The following ECT2L variants were observed in gnomAD, a reference collection of about 807,000 sequenced individuals.
ECT2L encodes the protein epithelial cell transforming 2 like, also known as epithelial cell-transforming sequence 2 oncogene-like.
A neutral mutation model predicts 122.8 loss-of-function variants in ECT2L; 126 were observed. The observed-to-expected ratio is 1.03, with a 90% CI of 0.89 to 1.19. The LOEUF (loss-of-function observed/expected upper bound fraction) is 1.19, where lower values mean the gene tolerates loss of function less well. ECT2L is among the 50% of genes most tolerant of loss of function. ECT2L has a pLI of 0.00. For missense variants in ECT2L, 1,012 were observed against 1,064.1 expected (o/e 0.95, Z 0.68); for synonymous variants, 385 against 381.8 (o/e 1.01, Z -0.10).
chr6:138,844,404 T>A lies in ECT2L; in HGVS notation c.596-8T>A. Reference sequence around the variant, plus strand: ...AATCAGCCCCGCCTGCTGTTCTTTGTTTTTCAGAGGAGTTATTCAAAGTTC... The same window carrying A: ...AATCAGCCCCGCCTGCTGTTCTTTGATTTTCAGAGGAGTTATTCAAAGTTC... On this transcript the variant is annotated splice_region_variant and splice_polypyrimidine_tract_variant and intron_variant, in intron 6 of 21. Transcript: ENST00000541398. 1.2e-6 allele frequency: 2 copies of A among 1,612,248 alleles called. No homozygotes were observed. The highest frequency in any genetic ancestry group is 1.7e-6 in the Non-Finnish European group (2 of 1,178,592).
intron 1 of ECT2L, among the ~76,000 whole-genome samples, chr6:138,803,815 C>T (rs918574229): frequency 2.0e-5 from 3 of 152,174 alleles, no homozygotes; most frequent in African/African-American, 7.2e-5. Flanking sequence ...TGATACATGC[C>T]TTTCTAATAT....
chr6:138,901,062 GT>G lies in ECT2L; in HGVS notation c.2531del (p.Phe844SerfsTer12). The G allele has an allele frequency of 6.2e-7, 1 of 1,614,116 alleles. No homozygotes were observed. Among genetic ancestry groups the G allele is most frequent in the Non-Finnish European group, 8.5e-7 (1 of 1,180,014 alleles). On this transcript the variant is annotated frameshift_variant, in exon 21 of 22. Transcript: ENST00000541398. LOFTEE classifies it high-confidence loss of function. ...FERTSKTTYQ[F>X]IASVALHRLL... ...AGAGGACTTCAAAAACAACCTACCAGTTCATTGCATCAGTGGCCCTTCATCG... is the reference window on the plus strand; with the variant it reads ...AGAGGACTTCAAAAACAACCTACCAGTCATTGCATCAGTGGCCCTTCATCG...
chr6:138,847,667 G>C (rs570551644), intron 8 of ECT2L, among the ~76,000 whole-genome samples: 4 of 150,886 alleles, frequency 2.7e-5, no homozygotes, highest in African/African-American at 7.3e-5. Context: ...GTAAGCCACC[G>C]CACCCAGCCT....
chr6:138,818,016 C>A (rs753911065), intron 4 of ECT2L, among the ~76,000 whole-genome samples: 16 of 152,190 alleles, frequency 1.1e-4, no homozygotes, highest in Admixed American at 2.6e-4. Context: ...GAGTTTGAAT[C>A]AGTCCCCTTG....
rs548413493 is a variant in ECT2L, at chr6:138,843,064, G to T, written c.428G>T (p.Arg143Leu). ...GATAATGAGTATGGTGCTTGGAAGC[G>T]CCATTACATTGCTTGTGTGTCCCAC... ...PTDNEYGAWKRHYIACVSHLD... is the reference protein window; with the variant it reads ...PTDNEYGAWKLHYIACVSHLD... The change falls in exon 6 of 22, where the codon CGC becomes CTC. Residue 143 changes from arginine (R) to leucine (L), a missense_variant. Coordinates refer to ENST00000541398, the MANE Select transcript of ECT2L (RefSeq NM_001077706.3). The T allele has an allele frequency of 1.2e-6, 2 of 1,613,518 alleles. No homozygotes were observed. Among genetic ancestry groups the T allele is most frequent in the South Asian group, 2.2e-5 (2 of 90,978 alleles).
At chr6:138,830,967 A>G (rs1776629352) in intron 4 of ECT2L, among the ~76,000 whole-genome samples, 1 of 152,180 alleles carries the variant, frequency 6.6e-6, no homozygotes, top group African/African-American at 2.4e-5. Flanking sequence ...TGCTTACTTG[A>G]TATTTAATTT....
rs908427273 is a variant in ECT2L, at chr6:138,849,142, C to A, written c.904-127C>A. The A allele has an allele frequency of 6.4e-6, 6 of 944,872 alleles. No homozygotes were observed. In the African/African-American group the frequency reaches 1.0e-4, roughly 16 times the overall value. 58.5% of individuals were successfully genotyped at this position (944,872 alleles called of 1,614,324 possible). On this transcript the variant is annotated intron_variant, in intron 8 of 21. Transcript: ENST00000541398. Reference sequence around the variant, plus strand: ...AATAGAAACCAAGGAGGAAGCTTATCTTCTTCCATAATCTCTGAAAATTCT... The same window carrying A: ...AATAGAAACCAAGGAGGAAGCTTATATTCTTCCATAATCTCTGAAAATTCT...
chr6:138,893,186 TTTTTTTTTG>T (rs1466267202), intron 20 of ECT2L, among the ~76,000 whole-genome samples: 5 of 123,360 alleles, frequency 4.1e-5, no homozygotes, highest in African/African-American at 1.6e-4. Flanking sequence ...TTTTTTTTTG[TTTTTTTTTG>T]TTTTTTTTTC....
chr6:138,850,350 G>A (rs1480618681), intron 9 of ECT2L, among the ~76,000 whole-genome samples: 1 of 151,990 alleles, frequency 6.6e-6, no homozygotes, highest in Non-Finnish European at 1.5e-5. Flanking sequence ...CCACTATGTT[G>A]GCCAGGATGG....
At chr6:138,833,197 A>G (rs1776709844) in intron 4 of ECT2L, among the ~76,000 whole-genome samples, 1 of 152,220 alleles carries the variant, frequency 6.6e-6, no homozygotes, top group Non-Finnish European at 1.5e-5. Context: ...GAGATGAGAT[A>G]TGGGTGGGGA....
intron 7 of ECT2L, among the ~76,000 whole-genome samples, chr6:138,845,152 T>G (rs1011728843): frequency 6.6e-6 from 1 of 151,994 alleles, no homozygotes; most frequent in Non-Finnish European, 1.5e-5. Context: ...TACTATAGAG[T>G]GAAATTACCA....
intron 10 of ECT2L, among the ~76,000 whole-genome samples, chr6:138,858,872 A>T (rs1176555139): frequency 1.3e-5 from 2 of 150,226 alleles, no homozygotes; most frequent in Admixed American, 6.6e-5. Context: ...TGCTTGGCTA[A>T]TTTTTTTTTA....
At chr6:138,859,983 C>A (rs1039002961) in intron 10 of ECT2L, among the ~76,000 whole-genome samples, 1 of 151,846 alleles carries the variant, frequency 6.6e-6, no homozygotes, top group Non-Finnish European at 1.5e-5. Flanking sequence ...CCACCATGCC[C>A]GGCTAATTTT....
At chr6:138,804,012 G>A (rs1030091307) in intron 1 of ECT2L, among the ~76,000 whole-genome samples, 3 of 152,196 alleles carry the variant, frequency 2.0e-5, no homozygotes, top group Non-Finnish European at 4.4e-5. Context: ...AAATGTTTGT[G>A]ATGCTTGTAT....
intron 4 of ECT2L, among the ~76,000 whole-genome samples, chr6:138,820,097 C>T (rs73778411): frequency 5.8e-4 from 89 of 152,252 alleles, no homozygotes; most frequent in African/African-American, 2.1e-3. Flanking sequence ...CTGACAGAAA[C>T]CCTGATTTCC....
In ECT2L at chr6:138,868,177, G is replaced by A; in HGVS notation, c.1549G>A (p.Gly517Arg). 6.2e-7 allele frequency: 1 copy of A among 1,613,460 alleles called. No individual in the cohort carries two copies. The highest frequency in any genetic ancestry group is 8.5e-7 in the Non-Finnish European group (1 of 1,179,714). ...AGATACTGCGCAAGCTCTGGCAGAT[G>A]GATTGATGGAGTTGTCAAAAGAAGA... is the stretch of plus-strand genomic sequence containing the variant. ...NQDTAQALAD[G>R]LMELSKEDSE... is the part of the protein sequence containing the mutation. The change falls in exon 13 of 22, where the codon GGA becomes AGA. Residue 517 changes from glycine (G) to arginine (R), a missense_variant. Coordinates refer to ENST00000541398, the MANE Select transcript of ECT2L (RefSeq NM_001077706.3).
intron 1 of ECT2L, among the ~76,000 whole-genome samples, chr6:138,806,312 T>C (rs1039129423): frequency 2.0e-5 from 3 of 152,154 alleles, no homozygotes; most frequent in Admixed American, 6.5e-5. Context: ...GGGCTTTGTA[T>C]ATATGTAATT....
intron 4 of ECT2L, among the ~76,000 whole-genome samples, chr6:138,818,447 T>G (rs1442850348): frequency 6.6e-6 from 1 of 152,202 alleles, no homozygotes; most frequent in African/African-American, 2.4e-5. Context: ...GTGCAGTTTT[T>G]CAGAGACAAC....
At chr6:138,864,002 T>TAA (rs1172466449) in intron 11 of ECT2L, among the ~76,000 whole-genome samples, 4,542 of 55,824 alleles carry the variant, frequency 0.081, 920 homozygotes, top group East Asian at 0.18. Flanking sequence ...TCTCCGTATT[T>TAA]AAAAAAAAAA....
Sources: gnomAD v4.1 joint callset for allele counts (sites outside exome capture counted in the v4.1 genomes callset) on GRCh38, gnomAD v4.1.1 for gene constraint, MANE v1.5 for transcripts, NCBI Gene and HGNC (gene_info 2026-07-23, HGNC 2026-07-21) for gene names.